Variants in DOCK7 observed in about 807,000 individuals in gnomAD.
DOCK7 encodes the protein dedicator of cytokinesis 7.
Under a neutral mutation model 271.0 loss-of-function variants are expected in DOCK7, and 138 were observed. That is an observed-to-expected ratio of 0.51 (90% CI 0.44 to 0.59). The LOEUF (loss-of-function observed/expected upper bound fraction) is 0.59. Ranked by LOEUF, DOCK7 falls within the 20% of genes least tolerant of loss-of-function variation. The pLI, the probability that DOCK7 is intolerant of heterozygous loss-of-function variation, is 0.00. For synonymous variants in DOCK7, 823 were observed against 876.1 expected (o/e 0.94, Z 1.07); for missense variants, 2,066 against 2,592.4 (o/e 0.80, Z 4.41).
At chr1:62,523,290 T>C (rs1644905885) in intron 31 of DOCK7, among the ~76,000 whole-genome samples, 1 of 152,194 alleles carries the variant, frequency 6.6e-6, no homozygotes, top group Non-Finnish European at 1.5e-5. Context: ...ATACAGGCAG[T>C]ATTTCAGAGA....
chr1:62,542,854 C>T (rs1025527010), intron 24 of DOCK7, 151 bp from the exon 25 acceptor site: 7 of 577,144 alleles, frequency 1.2e-5, no homozygotes, highest in East Asian at 6.0e-5. Context: ...CACCCATTAA[C>T]GAAACGGCTA....
At chr1:62,619,251 G>T (rs576646962) in intron 13 of DOCK7, among the ~76,000 whole-genome samples, 5 of 152,268 alleles carry the variant, frequency 3.3e-5, no homozygotes, top group African/African-American at 1.2e-4. Context: ...GGAATGGTTT[G>T]CTCCAATCAT....
At chr1:62,649,210 C>T (rs1046458803) in intron 4 of DOCK7, among the ~76,000 whole-genome samples, 1 of 152,072 alleles carries the variant, frequency 6.6e-6, no homozygotes, top group African/African-American at 2.4e-5. Context: ...AATTATTGTT[C>T]GTGATTCAAC....
At chr1:62,484,413 T>A (rs554241806) in intron 43 of DOCK7, 1 of 152,320 alleles carries the variant, frequency 6.6e-6, no homozygotes, top group South Asian at 2.1e-4. Context: ...GGATTGATTT[T>A]TCTGAAAAAT....
Position 62,474,104 on chromosome 1 carries a change from A to G in DOCK7, c.6106-16T>C, listed in dbSNP as rs776150768. 1 of 1,595,368 alleles carries G rather than the reference A, an allele frequency of 6.3e-7. No individual in the cohort carries two copies. Among genetic ancestry groups the G allele is most frequent in the African/African-American group, 1.4e-5 (1 of 73,800 alleles). On this transcript the variant is annotated splice_polypyrimidine_tract_variant and intron_variant, in intron 47 of 49. Transcript: ENST00000635253. ...CCAAAGGCCCCTGCAAAATAAGAAAATAAGAAGTGTGTTTTTTTGTTATCT... is the reference window on the plus strand; with the variant it reads ...CCAAAGGCCCCTGCAAAATAAGAAAGTAAGAAGTGTGTTTTTTTGTTATCT...
intron 14 of DOCK7, among the ~76,000 whole-genome samples, chr1:62,593,133 C>T (rs1177757243): frequency 6.6e-6 from 1 of 152,046 alleles, no homozygotes; most frequent in Non-Finnish European, 1.5e-5. Context: ...TTATACATAA[C>T]AAGATCCCAC....
chr1:62,494,518 A>G (rs1040253906), intron 39 of DOCK7, 51 bp from the exon 40 acceptor site: 3 of 1,538,714 alleles, frequency 1.9e-6, no homozygotes, highest in East Asian at 4.6e-5. Context: ...CCAAGCTGGG[A>G]GGGAGTTTAG....
chr1:62,570,098 G>A (rs1472622439), intron 18 of DOCK7, among the ~76,000 whole-genome samples: 1 of 152,198 alleles, frequency 6.6e-6, no homozygotes, highest in African/African-American at 2.4e-5. Context: ...AATAGGATGA[G>A]AAGAAGTCAA....
chr1:62,570,141 A>G (rs1382316510), intron 18 of DOCK7, among the ~76,000 whole-genome samples: 1 of 152,206 alleles, frequency 6.6e-6, no homozygotes, highest in Non-Finnish European at 1.5e-5. Flanking sequence ...ATGATCCTCT[A>G]TCTAGAAAAA....
At chr1:62,600,005 A>G (rs78491480) in intron 14 of DOCK7, among the ~76,000 whole-genome samples, 1 of 152,112 alleles carries the variant, frequency 6.6e-6, no homozygotes, top group Non-Finnish European at 1.5e-5. Flanking sequence ...TAAAACAAAT[A>G]TTATTACCAA....
intron 2 of DOCK7, among the ~76,000 whole-genome samples, chr1:62,656,586 C>T (rs1416562039): frequency 6.6e-6 from 1 of 152,092 alleles, no homozygotes; most frequent in Non-Finnish European, 1.5e-5. Flanking sequence ...CTATTCTTTC[C>T]ACTAAGTACA....
At chr1:62,671,163 C>A (rs1184949050) in intron 1 of DOCK7, among the ~76,000 whole-genome samples, 1 of 152,124 alleles carries the variant, frequency 6.6e-6, no homozygotes, top group African/African-American at 2.4e-5. Flanking sequence ...AGACTCCAGA[C>A]GCGCCACCTT....
At chr1:62,685,820 T>G (rs1385876362) in intron 1 of DOCK7, among the ~76,000 whole-genome samples, 1 of 152,200 alleles carries the variant, frequency 6.6e-6, no homozygotes, top group African/African-American at 2.4e-5. Flanking sequence ...CATCCCAGAC[T>G]CCTCAGTCCG....
chr1:62,501,394 TA>T (rs1486704915), intron 37 of DOCK7, among the ~76,000 whole-genome samples: 1 of 152,160 alleles, frequency 6.6e-6, no homozygotes, highest in Non-Finnish European at 1.5e-5. Flanking sequence ...AGTACTTAAC[TA>T]TCTACAGTAG....
chr1:62,499,561 A>G (rs1277302839), intron 37 of DOCK7, among the ~76,000 whole-genome samples: 2 of 151,724 alleles, frequency 1.3e-5, no homozygotes, highest in African/African-American at 4.9e-5. Flanking sequence ...AATGAGGGAA[A>G]CAAATATTTC....
intron 9 of DOCK7, among the ~76,000 whole-genome samples, chr1:62,634,174 T>C (rs1285701943): frequency 6.6e-6 from 1 of 151,922 alleles, no homozygotes; most frequent in Non-Finnish European, 1.5e-5. Flanking sequence ...AGTAAGATAC[T>C]TACAAATAAA....
At chr1:62,621,337 C>A (rs1459422049) in intron 12 of DOCK7, among the ~76,000 whole-genome samples, 1 of 152,110 alleles carries the variant, frequency 6.6e-6, no homozygotes, top group Non-Finnish European at 1.5e-5. Flanking sequence ...CACAAATGTT[C>A]AATTTAATGT....
chr1:62,478,950 T>C (rs1377243435), intron 43 of DOCK7: 1 of 151,950 alleles, frequency 6.6e-6, no homozygotes, highest in Non-Finnish European at 1.5e-5. Flanking sequence ...AAGATAAATA[T>C]TTGGACACTT....
Position 62,568,798 on chromosome 1 carries a change from C to G in DOCK7, c.2113-7095G>C, listed in dbSNP as rs111778005. ...AAACCCTTCAAAAAATTAACAGATC[C>G]AGAAGCTGTTTTTTTTTTTGAAAAA... On this transcript the variant is annotated intron_variant, in intron 18 of 49. Transcript: ENST00000635253. 2.7e-4 allele frequency among the ~76,000 whole-genome samples: 40 copies of G among 150,308 alleles called. 1 individual carries two copies. In the East Asian group the frequency reaches 7.2e-3, roughly 27 times the overall value.
Sources: gnomAD v4.1 joint callset for allele counts (sites outside exome capture counted in the v4.1 genomes callset) on GRCh38, gnomAD v4.1.1 for gene constraint, MANE v1.5 for transcripts, NCBI Gene and HGNC (gene_info 2026-07-23, HGNC 2026-07-21) for gene names.